The following PCDHGA5 variants were observed in gnomAD, a reference collection of about 807,000 sequenced individuals.
PCDHGA5 encodes protocadherin gamma subfamily A, 5.
In PCDHGA5, 36 loss-of-function variants were observed where a neutral mutation model predicts 56.7. That is an observed-to-expected ratio of 0.64 (90% CI 0.49 to 0.84). The LOEUF (loss-of-function observed/expected upper bound fraction) is 0.84, where lower values mean the gene tolerates loss of function less well. PCDHGA5 is among the 40% of genes least tolerant of loss of function. The pLI is 0.00. For missense variants in PCDHGA5, 1,305 were observed against 1,201.5 expected (o/e 1.09, Z -1.27); for synonymous variants, 563 against 520.2 (o/e 1.08, Z -1.12).
rs953803165 is a variant in PCDHGA5, at chr5:141,392,978, C to A, written c.2421+26227C>A. 2.5e-6 allele frequency: 4 copies of A among 1,613,808 alleles called. No individual in the cohort carries two copies. The highest frequency in any genetic ancestry group is 1.7e-4 in the Middle Eastern group (1 of 6,054). Reference sequence around the variant, plus strand: ...ATATCTCCAAGGACCTGGGGCTGGACCCCCGGAAGCTGGCGAAGCACGGAG... The same window carrying A: ...ATATCTCCAAGGACCTGGGGCTGGAACCCCGGAAGCTGGCGAAGCACGGAG... On this transcript the variant is annotated intron_variant, in intron 1 of 3. Coordinates refer to ENST00000518069, the MANE Select transcript of PCDHGA5 (RefSeq NM_018918.3).
In PCDHGA5 at chr5:141,512,859, CAT is replaced by C. The variant is rs1474518602; in HGVS notation, c.*1688_*1689del. 6.6e-6 allele frequency: 1 copy of C among 152,296 alleles called. No homozygotes were observed. The highest frequency in any genetic ancestry group is 1.9e-4 in the East Asian group (1 of 5,200). The allele number at this position is 152,296 out of a possible 1,614,324, so 9.4% of individuals were successfully genotyped here. A position where few individuals can be genotyped will look rare whatever the true frequency, so the allele number is the denominator to read the frequency against. On this transcript the variant is annotated 3_prime_UTR_variant, in exon 4 of 4. Transcript: ENST00000518069. ...CTTCTCCTATAAGCGCTTCTCTTCG[CAT>C]AGTCACGTAGCTCCCACCCCACCCT... is the stretch of plus-strand genomic sequence containing the variant.
At position 141,511,227 on chromosome 5, in the gene PCDHGA5, TCTC is replaced by T. The variant is rs2099883680; in HGVS notation, c.*57_*59del. 2 of 1,599,470 alleles carry T rather than the reference TCTC, an allele frequency of 1.3e-6. No homozygotes were observed. Among genetic ancestry groups the T allele is most frequent in the Non-Finnish European group, 1.7e-6 (2 of 1,173,054 alleles). ...CGGCCTCTCCCCAACCAGCCCAGCTTCTCCTTACCTGCACCCAGGCCTCAGAGT... is the reference window on the plus strand; with the variant it reads ...CGGCCTCTCCCCAACCAGCCCAGCTTCTTACCTGCACCCAGGCCTCAGAGT... On this transcript the variant is annotated 3_prime_UTR_variant, in exon 4 of 4. Transcript: ENST00000518069.
At chr5:141,410,828 C>A in intron 1 of PCDHGA5, 4 of 377,748 alleles carry the variant, frequency 1.1e-5, no homozygotes, top group Non-Finnish European at 1.8e-5. Context: ...TGTCACCAGA[C>A]TGAAGATATT....
chr5:141,386,226 C>T (rs1164415292), intron 1 of PCDHGA5, among the ~76,000 whole-genome samples: 1 of 152,142 alleles, frequency 6.6e-6, no homozygotes, highest in Non-Finnish European at 1.5e-5. Flanking sequence ...ATTAGGTCTA[C>T]TGAAAAATTC....
chr5:141,400,384 G>A (rs1335444355), intron 1 of PCDHGA5: 2 of 1,614,054 alleles, frequency 1.2e-6, no homozygotes, highest in South Asian at 1.1e-5. Flanking sequence ...CCTATGTGTT[G>A]CACATACAGG....
intron 1 of PCDHGA5, chr5:141,383,041 A>C: frequency 6.2e-7 from 1 of 1,613,860 alleles, no homozygotes; most frequent in Non-Finnish European, 8.5e-7. Context: ...TGTGGGAGAC[A>C]TCGCCAAGGA....
chr5:141,466,989 G>C, intron 1 of PCDHGA5, among the ~76,000 whole-genome samples: 1 of 150,922 alleles, frequency 6.6e-6, no homozygotes. Context: ...TTTACCTTTT[G>C]GCATTTTTTT....
intron 1 of PCDHGA5, among the ~76,000 whole-genome samples, chr5:141,488,117 G>A (rs1231303931): frequency 6.6e-6 from 1 of 152,190 alleles, no homozygotes; most frequent in African/African-American, 2.4e-5. Flanking sequence ...GAAACATAGA[G>A]ACAGCAGAAA....
chr5:141,476,726 C>T lies in PCDHGA5; in HGVS notation c.2422-18081C>T. On this transcript the variant is annotated intron_variant, in intron 1 of 3. Coordinates refer to ENST00000518069, the MANE Select transcript of PCDHGA5 (RefSeq NM_018918.3). This position sits in a 1 kb window ranked among gnomAD's most constrained non-coding sequence, Gnocchi z 7.6. ...GCTGGTGTTGGAGCGCGCCCTGGAC[C>T]GAGAACGGGAGCCTAGTCTCCAGTT... The T allele has an allele frequency of 6.2e-7, 1 of 1,614,116 alleles. No homozygotes were observed. The highest frequency in any genetic ancestry group is 8.5e-7 in the Non-Finnish European group (1 of 1,180,028).
At position 141,485,314 on chromosome 5, in the gene PCDHGA5, T is replaced by A. The variant is rs1292296791; in HGVS notation, c.2422-9493T>A. The A allele has an allele frequency of 1.2e-6, 2 of 1,614,150 alleles. No homozygotes were observed. The highest frequency in any genetic ancestry group is 1.7e-6 in the Non-Finnish European group (2 of 1,180,032). ...CACAGGAAGGGACTTTTGTAGGGAA[T>A]GTCGCTCAAGATTTCCTGCTGGATA... On this transcript the variant is annotated intron_variant, in intron 1 of 3. Coordinates refer to ENST00000518069, the MANE Select transcript of PCDHGA5 (RefSeq NM_018918.3). This position sits in a 1 kb window ranked among gnomAD's most constrained non-coding sequence, Gnocchi z 5.7.
In PCDHGA5 at chr5:141,485,457, T is replaced by G; in HGVS notation, c.2422-9350T>G. 1 of 1,614,124 alleles carries G rather than the reference T, an allele frequency of 6.2e-7. No individual in the cohort carries two copies. Among genetic ancestry groups the G allele is most frequent in the Non-Finnish European group, 8.5e-7 (1 of 1,180,020 alleles). On this transcript the variant is annotated intron_variant, in intron 1 of 3. Coordinates refer to ENST00000518069, the MANE Select transcript of PCDHGA5 (RefSeq NM_018918.3). This position sits in a 1 kb window ranked among gnomAD's most constrained non-coding sequence, Gnocchi z 5.7. ...AAGAACCCAATCGACCGAGAGGCAC[T>G]GTGTGGGCTCAGTGCCAGCTGCATC...
At chr5:141,398,896 C>T (rs776008122) in intron 1 of PCDHGA5, 5 of 1,613,946 alleles carry the variant, frequency 3.1e-6, no homozygotes, top group Non-Finnish European at 3.4e-6. Context: ...AAACGTGCCA[C>T]CAGGCACCAC....
In PCDHGA5 at chr5:141,485,610, C is replaced by A; in HGVS notation, c.2422-9197C>A. ...CTGGACTTGGAAATTGGGGAGGCAGCTCCTCCAGGACAGCGTTTCCCGTTG... is the reference window on the plus strand; with the variant it reads ...CTGGACTTGGAAATTGGGGAGGCAGATCCTCCAGGACAGCGTTTCCCGTTG... On this transcript the variant is annotated intron_variant, in intron 1 of 3. Coordinates refer to ENST00000518069, the MANE Select transcript of PCDHGA5 (RefSeq NM_018918.3). This position sits in a 1 kb window ranked among gnomAD's most constrained non-coding sequence, Gnocchi z 5.7. The A allele has an allele frequency of 1.2e-6, 2 of 1,612,076 alleles. No individual in the cohort carries two copies. The highest frequency in any genetic ancestry group is 1.7e-6 in the Non-Finnish European group (2 of 1,178,616).
chr5:141,410,631 C>CT (rs768462511), intron 1 of PCDHGA5: 26 of 1,600,818 alleles, frequency 1.6e-5, no homozygotes, highest in Non-Finnish European at 2.2e-5. Context: ...GTGAGTTTCT[C>CT]TTTTTTGTGT....
At position 141,384,946 on chromosome 5, in the gene PCDHGA5, G is replaced by A. The variant is rs749521895; in HGVS notation, c.2421+18195G>A. The A allele has an allele frequency of 1.2e-5, 19 of 1,613,924 alleles. No individual in the cohort carries two copies. Among genetic ancestry groups the A allele is most frequent in the Non-Finnish European group, 1.4e-5 (17 of 1,180,030 alleles). On this transcript the variant is annotated intron_variant, in intron 1 of 3. Transcript: ENST00000518069. ...CCTGGGCAGCCTTGAGCCCTCCGACGGTCCTTACAACTATGACCTCACGTT... is the reference window on the plus strand; with the variant it reads ...CCTGGGCAGCCTTGAGCCCTCCGACAGTCCTTACAACTATGACCTCACGTT...
rs1460626002 is a variant in PCDHGA5, at chr5:141,486,935, C to A, written c.2422-7872C>A. ...ACTGCCTCCATCAGTTGGTGCTGGC[C>A]ACCTAATCACAAAGGTGACTGCTGT... On this transcript the variant is annotated intron_variant, in intron 1 of 3. Transcript: ENST00000518069. This position sits in a 1 kb window ranked among gnomAD's most constrained non-coding sequence, Gnocchi z 5.0. 5 of 1,614,228 alleles carry A rather than the reference C, an allele frequency of 3.1e-6. No individual in the cohort carries two copies. The highest frequency in any genetic ancestry group is 4.2e-6 in the Non-Finnish European group (5 of 1,180,038).
At chr5:141,426,521 C>T (rs184198267) in intron 1 of PCDHGA5, 14 of 341,908 alleles carry the variant, frequency 4.1e-5, no homozygotes, top group Admixed American at 7.6e-5. Flanking sequence ...ACCGTGAACA[C>T]GGAGAATGGG....
chr5:141,374,158 G>A (rs1471227184), intron 1 of PCDHGA5: 6 of 1,612,290 alleles, frequency 3.7e-6, no homozygotes, highest in African/African-American at 1.3e-5. Context: ...CGCTGTGGGG[G>A]GCCGCGGCAG....
At chr5:141,426,826 T>C (rs2096963111) in intron 1 of PCDHGA5, 1 of 456,600 alleles carries the variant, frequency 2.2e-6, no homozygotes, top group Admixed American at 2.3e-5. Flanking sequence ...TCTCTGATGA[T>C]GGACAAGACT....
Sources: allele counts gnomAD v4.1 joint callset (sites outside exome capture counted in the v4.1 genomes callset), GRCh38; gene constraint gnomAD v4.1.1; non-coding constraint Gnocchi (gnomAD v3.1); transcripts MANE v1.5; gene names NCBI Gene and HGNC (gene_info 2026-07-23, HGNC 2026-07-21).